Variants in AXDND1 observed in about 807,000 individuals in gnomAD.
AXDND1 encodes the protein axonemal dynein light chain domain-containing protein 1.
AXDND1 carries 110 observed loss-of-function variants against 137.5 expected under a neutral mutation model. That is an observed-to-expected ratio of 0.80 (90% confidence interval 0.69 to 0.94). The LOEUF is 0.94. AXDND1 is among the 40% of genes least tolerant of loss of function. The probability of loss-of-function intolerance (pLI) is 0.00; values close to 1 mark genes in which losing one functional copy is unlikely to be tolerated. For missense variants in AXDND1, 1,191 were observed against 1,169.8 expected (o/e 1.02, Z -0.26); for synonymous variants, 414 against 399.7 (o/e 1.04, Z -0.43).
intron 20 of AXDND1, among the ~76,000 whole-genome samples, chr1:179,497,867 G>A (rs909860181): frequency 1.3e-5 from 2 of 152,052 alleles, no homozygotes; most frequent in Non-Finnish European, 2.9e-5. Flanking sequence ...CACCAATAAT[G>A]TCCAGGCTGA....
chr1:179,522,405 C>T (rs1185878724), intron 21 of AXDND1, among the ~76,000 whole-genome samples: 1 of 152,006 alleles, frequency 6.6e-6, no homozygotes, highest in Non-Finnish European at 1.5e-5. Flanking sequence ...TTAAGTATAA[C>T]TTTTGTAGTC....
Position 179,390,488 on chromosome 1 carries a change from GA to G in AXDND1, c.864-3409del, listed in dbSNP as rs533289419. On this transcript the variant is annotated intron_variant, in intron 9 of 25. Transcript: ENST00000367618. The stretch of plus-strand genomic sequence containing the variant: ...TTGTCGTTTTACATGTTGTCAATTT[GA>G]AAAAATGGCTTTATTCATGAATTTA... Among the ~76,000 whole-genome samples, 609 of 152,048 alleles carry G rather than the reference GA, an allele frequency of 4.0e-3. 2 individuals are homozygous for G. The highest frequency in any genetic ancestry group is 0.014 in the African/African-American group (572 of 41,516).
chr1:179,368,709 A>T, intron 2 of AXDND1, 91 bp from the exon 3 acceptor site: 1 of 1,016,244 alleles, frequency 9.8e-7, no homozygotes, highest in Non-Finnish European at 1.4e-6. Context: ...TCTCTGTTAG[A>T]AACAGATGGG....
chr1:179,459,934 TTC>T (rs71569251), intron 16 of AXDND1, among the ~76,000 whole-genome samples: 17,255 of 137,506 alleles, frequency 0.13, 1,297 homozygotes, highest in East Asian at 0.29. Context: ...CCTTCCTTCC[TTC>T]TCTCTCTCTT....
Position 179,445,028 on chromosome 1 carries a change from C to T in AXDND1, c.1622C>T (p.Thr541Ile), listed in dbSNP as rs1371130609. 1.2e-6 allele frequency: 2 copies of T among 1,612,932 alleles called. No homozygotes were observed. Among genetic ancestry groups the T allele is most frequent in the Admixed American group, 3.3e-5 (2 of 59,972 alleles). Residue 541 changes from threonine to isoleucine, a missense_variant, in exon 16 of 26, where the codon ACT (threonine) becomes ATT (isoleucine). By Grantham distance (89) the Thr-to-Ile change is moderately conservative. Coordinates refer to ENST00000367618, the MANE Select transcript of AXDND1 (RefSeq NM_144696.6). ...TGDVLLSKYD[T>I]LKIIKHLQEN... ...GATGTTCTACTGTCAAAATACGATA[C>T]TCTCAAGATTATTAAACATTTACAG...
At chr1:179,522,168 T>C (rs768921052) in intron 21 of AXDND1, among the ~76,000 whole-genome samples, 3 of 152,140 alleles carry the variant, frequency 2.0e-5, no homozygotes, top group Non-Finnish European at 4.4e-5. Context: ...TTAACCTTCT[T>C]TCATATTCTC....
chr1:179,377,764 GT>G (rs1647522883), intron 4 of AXDND1, among the ~76,000 whole-genome samples: 1 of 152,200 alleles, frequency 6.6e-6, no homozygotes. Context: ...CTAGAAAATA[GT>G]TTCAGAAGAG....
chr1:179,499,594 A>C (rs1667793545), intron 20 of AXDND1, among the ~76,000 whole-genome samples: 2 of 152,120 alleles, frequency 1.3e-5, no homozygotes, highest in African/African-American at 4.8e-5. Flanking sequence ...TGAATAACTA[A>C]AAACCATTGA....
rs140658113 is a variant in AXDND1, at chr1:179,378,667, T to C, written c.405T>C (p.Tyr135=). The change falls in exon 5 of 26, where the codon TAT becomes TAC. Residue 135 remains tyrosine, a synonymous_variant. Transcript: ENST00000367618. ...TTTCTTTTCTGTACGATGTAACATA[T>C]GCCAAAGGACAGACTAGGGAGAAGG... ...RDISFLYDVT[Y]AKGQTREKAV... The C allele has an allele frequency of 3.1e-6, 5 of 1,594,048 alleles. No individual in the cohort carries two copies. The highest frequency in any genetic ancestry group is 3.4e-5 in the Admixed American group (2 of 58,364).
Position 179,483,374 on chromosome 1 carries a change from AT to A in AXDND1, c.2091+159del, listed in dbSNP as rs757708403. Among the ~76,000 whole-genome samples, 12 of 152,180 alleles carry A rather than the reference AT, an allele frequency of 7.9e-5. No individual in the cohort carries two copies. The South Asian group carries it at 1.0e-3, about 13-fold the overall frequency. The stretch of plus-strand genomic sequence containing the variant: ...TAATTTCTCAAATAATTTTCAATGG[AT>A]TTTTTAAAGCAGAATGTTTCTGCCT... On this transcript the variant is annotated intron_variant, in intron 18 of 25. Transcript: ENST00000367618.
At chr1:179,400,934 A>G (rs1168151495) in intron 11 of AXDND1, among the ~76,000 whole-genome samples, 2 of 149,572 alleles carry the variant, frequency 1.3e-5, no homozygotes, top group East Asian at 3.9e-4. Context: ...AAAAGAAAAA[A>G]AAAAGGACAC....
Position 179,487,383 on chromosome 1 carries a change from CA to C in AXDND1, c.2092-4150del, listed in dbSNP as rs1055444537. Among the ~76,000 whole-genome samples, 9 of 148,166 alleles carry C rather than the reference CA, an allele frequency of 6.1e-5. 2 individuals carry two copies. Among genetic ancestry groups the C allele is most frequent in the African/African-American group, 2.3e-4 (9 of 38,864 alleles). ...TAACTTACTATTTCTGATTTGCATG[CA>C]AAAATTACTCAGTTGACATGTTTGG... On this transcript the variant is annotated intron_variant, in intron 18 of 25. Coordinates refer to ENST00000367618, the MANE Select transcript of AXDND1 (RefSeq NM_144696.6).
In AXDND1 at chr1:179,509,380, G is replaced by T; in HGVS notation, c.2473G>T (p.Glu825Ter). ...AAAAATTACATTATTGACATATGAA[G>T]AAATAGAGCGGCTACTTGAAGAGGT... ...GRKITLLTYE[E>*]IERLLEEEAV... The change falls in exon 21 of 26, where the codon GAA becomes TAA. Residue 825 changes from glutamate (E) to a stop codon, truncating the protein, a stop_gained. Transcript: ENST00000367618. LOFTEE classifies it high-confidence loss of function. 1 of 1,608,980 alleles carries T rather than the reference G, an allele frequency of 6.2e-7. No individual in the cohort carries two copies. Among genetic ancestry groups the T allele is most frequent in the Non-Finnish European group, 8.5e-7 (1 of 1,175,764 alleles).
chr1:179,512,400 C>T (rs1669138283), intron 21 of AXDND1, among the ~76,000 whole-genome samples: 1 of 152,144 alleles, frequency 6.6e-6, no homozygotes, highest in Non-Finnish European at 1.5e-5. Context: ...TCTGGGTTCT[C>T]TATTCTGTTC....
intron 16 of AXDND1, among the ~76,000 whole-genome samples, chr1:179,466,081 A>G (rs950128020): frequency 9.2e-5 from 14 of 151,988 alleles, no homozygotes; most frequent in Admixed American, 7.2e-4. Context: ...GGGTGAGGCA[A>G]TGCCCCGCCC....
At chr1:179,420,307 G>A (rs1655476635) in intron 12 of AXDND1, among the ~76,000 whole-genome samples, 1 of 152,156 alleles carries the variant, frequency 6.6e-6, no homozygotes, top group Admixed American at 6.6e-5. Flanking sequence ...TGATCATGGT[G>A]AATGATCTTT....
chr1:179,536,414 T>C (rs1671566211), intron 25 of AXDND1, among the ~76,000 whole-genome samples: 1 of 152,240 alleles, frequency 6.6e-6, no homozygotes, highest in African/African-American at 2.4e-5. Flanking sequence ...AGATCCAGTT[T>C]CAGCTTTCTG....
chr1:179,435,096 C>T (rs1358627262), intron 15 of AXDND1, among the ~76,000 whole-genome samples: 1 of 151,958 alleles, frequency 6.6e-6, no homozygotes, highest in Non-Finnish European at 1.5e-5. Flanking sequence ...TTCATAGCTG[C>T]TAAAAAGAGA....
chr1:179,506,893 T>C lies in AXDND1; in HGVS notation c.2389-2403T>C, dbSNP rs995996727. ...AAAGGACTATGACTGAAGATGGTGG[T>C]AGTAGGAATCTTACTCTCAAGATGT... On this transcript the variant is annotated intron_variant, in intron 20 of 25. Coordinates refer to ENST00000367618, the MANE Select transcript of AXDND1 (RefSeq NM_144696.6). The C allele has an allele frequency of 1.1e-5, 11 of 985,376 alleles. No individual in the cohort carries two copies. The South Asian group carries it at 5.2e-4, about 46-fold the overall frequency. The allele number at this position is 985,376 out of a possible 1,614,324, so 61.0% of individuals were successfully genotyped here.
Sources: allele counts gnomAD v4.1 joint callset (sites outside exome capture counted in the v4.1 genomes callset), GRCh38; gene constraint gnomAD v4.1.1; transcripts MANE v1.5; gene names NCBI Gene and HGNC (gene_info 2026-07-23, HGNC 2026-07-21).